NRXN3: variants seen among roughly 807,000 people sequenced by gnomAD.
The protein encoded by NRXN3 is neurexin 3, also known as neurexin III.
Under a neutral mutation model 137.6 loss-of-function variants are expected in NRXN3, and 32 were observed. That is an observed-to-expected ratio of 0.23 (90% confidence interval 0.18 to 0.31). NRXN3 has a LOEUF of 0.31. Ranked by LOEUF, NRXN3 falls within the 10% of genes least tolerant of loss-of-function variation. NRXN3 has a pLI of 1.00. For synonymous variants in NRXN3, 798 were observed against 784.5 expected, an observed-to-expected ratio of 1.02 and a Z score of -0.29; for missense variants, 1,574 against 2,062.5, an observed-to-expected ratio of 0.76 and a Z score of 4.59.
At chr14:79,240,549 G>A (rs80299346) in intron 15 of NRXN3, among the ~76,000 whole-genome samples, 3 of 152,000 alleles carry the variant, frequency 2.0e-5, no homozygotes, top group African/African-American at 4.8e-5. Context: ...ATGGCCACTA[G>A]CATCCTTGAC....
rs566801270 is a variant in NRXN3, at chr14:79,758,449, A to T, written c.4015-46663A>T. Among the ~76,000 whole-genome samples, 430 of 152,208 alleles carry T rather than the reference A, an allele frequency of 2.8e-3. 4 individuals are homozygous for T. The highest frequency in any genetic ancestry group is 9.3e-3 in the African/African-American group (385 of 41,534). ...TAGGAGGTTCAGGCAGTTTTTAACA[A>T]TCAGATTTCATGAAAATAAAAGAAC... is the stretch of plus-strand genomic sequence containing the variant. On this transcript the variant is annotated intron_variant, in intron 19 of 20. Transcript: ENST00000335750.
Position 78,934,336 on chromosome 14 carries a change from T to A in NRXN3, c.2276-22906T>A, listed in dbSNP as rs146238857. On this transcript the variant is annotated intron_variant, in intron 10 of 20. Transcript: ENST00000335750. ...TCCAAACTTTCATTAAAGGAAAGTG[T>A]CCCTTTCCCAGACAATGCTTCCAGC... is the stretch of plus-strand genomic sequence containing the variant. 4.2e-3 allele frequency among the ~76,000 whole-genome samples: 637 copies of A among 152,264 alleles called. 5 individuals carry two copies. Among genetic ancestry groups the A allele is most frequent in the African/African-American group, 0.014 (602 of 41,546 alleles).
In NRXN3 at chr14:79,843,807, T is replaced by C. The variant is rs1037814686; in HGVS notation, c.4094-17535T>C. Among the ~76,000 whole-genome samples the C allele has an allele frequency of 2.0e-5, 3 of 152,282 alleles. No individual in the cohort carries two copies. In the South Asian group the frequency reaches 6.2e-4, roughly 32 times the overall value. On this transcript the variant is annotated intron_variant, in intron 20 of 20. Transcript: ENST00000335750. ...GGGTTATAGGTGGTTTTTGGTTGCA[T>C]GGATAAGTTCTGTAGTGGTGATTCT...
intron 16 of NRXN3, among the ~76,000 whole-genome samples, chr14:79,571,249 G>C (rs1191372920): frequency 6.6e-6 from 1 of 152,098 alleles, no homozygotes; most frequent in Non-Finnish European, 1.5e-5. Context: ...ACTAGCTTTT[G>C]TTAAGCAAAT....
At chr14:78,910,397 C>T (rs1489163169) in intron 10 of NRXN3, among the ~76,000 whole-genome samples, 1 of 152,072 alleles carries the variant, frequency 6.6e-6, no homozygotes, top group East Asian at 1.9e-4. Context: ...CAATAGTGTG[C>T]CCTCTGTCAT....
intron 4 of NRXN3, among the ~76,000 whole-genome samples, chr14:78,607,722 A>G (rs1400153984): frequency 1.3e-5 from 2 of 152,194 alleles, no homozygotes; most frequent in Admixed American, 6.5e-5. Flanking sequence ...GGGAAGAACC[A>G]GGCATACTAT....
chr14:78,963,610 A>C (rs1597966194), intron 11 of NRXN3, among the ~76,000 whole-genome samples: 1 of 152,294 alleles, frequency 6.6e-6, no homozygotes, highest in Non-Finnish European at 1.5e-5. Context: ...AACACTAAGC[A>C]ATTTTATTTC....
chr14:79,158,294 C>T (rs2060444971), intron 15 of NRXN3, among the ~76,000 whole-genome samples: 1 of 151,752 alleles, frequency 6.6e-6, no homozygotes, highest in South Asian at 2.1e-4. Flanking sequence ...TAAGTTATAA[C>T]TTATTTATAT....
intron 19 of NRXN3, among the ~76,000 whole-genome samples, chr14:79,757,090 C>T (rs1354006290): frequency 1.3e-5 from 2 of 152,094 alleles, no homozygotes; most frequent in Non-Finnish European, 2.9e-5. Flanking sequence ...CCCACAAAGC[C>T]CTACTGGTAC....
intron 4 of NRXN3, among the ~76,000 whole-genome samples, chr14:78,644,558 C>T (rs1013617700): frequency 1.3e-5 from 2 of 152,180 alleles, no homozygotes; most frequent in Non-Finnish European, 2.9e-5. Flanking sequence ...TCAGGTCCAA[C>T]CTCCTACTTA....
intron 16 of NRXN3, among the ~76,000 whole-genome samples, chr14:79,485,795 C>T (rs1469703616): frequency 6.6e-6 from 1 of 152,048 alleles, no homozygotes; most frequent in Non-Finnish European, 1.5e-5. Flanking sequence ...AAAAAGCTAA[C>T]GGGGCACTGT....
chr14:78,730,713 T>C (rs956177216), intron 8 of NRXN3, among the ~76,000 whole-genome samples: 12 of 152,102 alleles, frequency 7.9e-5, no homozygotes, highest in Admixed American at 3.9e-4. Context: ...TGAACCACAA[T>C]AAATGAGAAA....
At chr14:79,326,958 T>A (rs1049650491) in intron 15 of NRXN3, among the ~76,000 whole-genome samples, 2 of 152,024 alleles carry the variant, frequency 1.3e-5, no homozygotes, top group Non-Finnish European at 2.9e-5. Flanking sequence ...ATGTGAAACC[T>A]CTTTTTCAAA....
rs571878809 is a variant in NRXN3, at chr14:78,519,040, C to T, written c.758-126080C>T. Among the ~76,000 whole-genome samples, 6 of 152,142 alleles carry T rather than the reference C, an allele frequency of 3.9e-5. No homozygotes were observed. In the South Asian group the frequency reaches 1.2e-3, roughly 32 times the overall value. The stretch of plus-strand genomic sequence containing the variant: ...AAGAAATATTCCTTTCAGATAGACT[C>T]TAGTATATAATATCATTCTGCTATT... On this transcript the variant is annotated intron_variant, in intron 4 of 20. Transcript: ENST00000335750.
intron 20 of NRXN3, among the ~76,000 whole-genome samples, chr14:79,852,232 C>CA (rs1198333023): frequency 1.5e-5 from 2 of 131,052 alleles, no homozygotes; most frequent in African/African-American, 6.0e-5. Flanking sequence ...AGTTCAACTC[C>CA]CAACACACAC....
intron 19 of NRXN3, among the ~76,000 whole-genome samples, chr14:79,774,644 G>A (rs554831121): frequency 1.3e-5 from 2 of 152,184 alleles, no homozygotes; most frequent in African/African-American, 4.8e-5. Flanking sequence ...CCATGGACTG[G>A]CCTTCACATA....
At position 79,863,319 on chromosome 14, in the gene NRXN3, TATAA is replaced by T. The variant is rs1373847168; in HGVS notation, c.*1363_*1366del. 1 of 150,130 alleles carries T rather than the reference TATAA, an allele frequency of 6.7e-6. No homozygotes were observed. Among genetic ancestry groups the T allele is most frequent in the Non-Finnish European group, 1.5e-5 (1 of 67,566 alleles). 9.3% of individuals were successfully genotyped at this position (150,130 alleles called of 1,614,324 possible). Reference sequence around the variant, plus strand: ...AAGGAATTTAATAGTATAATATATATATAAATAAATATATATACAGATATATTTA... The same window carrying T: ...AAGGAATTTAATAGTATAATATATATATAAATATATATACAGATATATTTA... On this transcript the variant is annotated 3_prime_UTR_variant, in exon 21 of 21. Coordinates refer to ENST00000335750, the MANE Select transcript of NRXN3 (RefSeq NM_001330195.2).
intron 20 of NRXN3, among the ~76,000 whole-genome samples, chr14:79,850,106 A>G (rs948343425): frequency 1.3e-5 from 2 of 152,346 alleles, no homozygotes; most frequent in East Asian, 1.9e-4. Flanking sequence ...TCATAGGAGA[A>G]ACAGATGTGG....
intron 15 of NRXN3, among the ~76,000 whole-genome samples, chr14:79,462,710 A>G (rs948737255): frequency 6.6e-6 from 1 of 151,628 alleles, no homozygotes; most frequent in Non-Finnish European, 1.5e-5. Context: ...AAGCCATTTT[A>G]CCTGTAATTA....
Sources: allele counts gnomAD v4.1 joint callset (sites outside exome capture counted in the v4.1 genomes callset), GRCh38; gene constraint gnomAD v4.1.1; transcripts MANE v1.5; gene names NCBI Gene and HGNC (gene_info 2026-07-23, HGNC 2026-07-21).